MYO1D: variants seen among roughly 807,000 people sequenced by gnomAD.
The protein encoded by MYO1D is unconventional myosin-Id.
MYO1D carries 83 observed loss-of-function variants against 122.0 expected under a neutral mutation model. The ratio of observed to expected loss-of-function variants is 0.68; its 90% CI spans 0.57 to 0.82. The LOEUF is 0.82. Ranked by LOEUF, MYO1D falls within the 40% of genes least tolerant of loss-of-function variation. The pLI is 0.00. For synonymous variants in MYO1D, 464 were observed against 446.9 expected (o/e 1.04, Z -0.48); for missense variants, 1,157 against 1,269.5 (o/e 0.91, Z 1.35).
intron 19 of MYO1D, among the ~76,000 whole-genome samples, chr17:32,644,024 A>G (rs1467700977): frequency 6.6e-6 from 1 of 151,828 alleles, no homozygotes; most frequent in Non-Finnish European, 1.5e-5. Flanking sequence ...TCAAGTTTAG[A>G]TCTTTCCTGC....
At chr17:32,591,404 G>A (rs182087040) in intron 21 of MYO1D, among the ~76,000 whole-genome samples, 7 of 152,246 alleles carry the variant, frequency 4.6e-5, no homozygotes, top group Non-Finnish European at 7.4e-5. Context: ...CCCTCACTGC[G>A]AACTTCTTAG....
intron 1 of MYO1D, among the ~76,000 whole-genome samples, chr17:32,789,009 TTTTG>T (rs1422217229): frequency 2.5e-5 from 3 of 119,928 alleles, no homozygotes; most frequent in African/African-American, 5.6e-5. Flanking sequence ...TTTTGTTTTG[TTTTG>T]TTTTTTTAGC....
intron 1 of MYO1D, among the ~76,000 whole-genome samples, chr17:32,810,880 G>A (rs1288771612): frequency 6.6e-6 from 1 of 152,006 alleles, no homozygotes; most frequent in Non-Finnish European, 1.5e-5. Flanking sequence ...TAATATTTAT[G>A]AGTCTTTTAA....
chr17:32,700,330 C>A (rs1487511294), intron 16 of MYO1D, among the ~76,000 whole-genome samples: 1 of 152,176 alleles, frequency 6.6e-6, no homozygotes, highest in Non-Finnish European at 1.5e-5. Context: ...GTTCCTGCTC[C>A]TATGAGAATC....
chr17:32,551,901 G>C (rs1296815871), intron 21 of MYO1D, among the ~76,000 whole-genome samples: 3 of 152,014 alleles, frequency 2.0e-5, no homozygotes, highest in African/African-American at 7.3e-5. Context: ...TATCTGCTTT[G>C]TCCTTAGCCT....
intron 21 of MYO1D, among the ~76,000 whole-genome samples, chr17:32,517,616 TC>T (rs1237974193): frequency 6.6e-6 from 1 of 152,096 alleles, no homozygotes; most frequent in Non-Finnish European, 1.5e-5. Flanking sequence ...TGGGTGATTT[TC>T]CTGTGCACCA....
intron 16 of MYO1D, among the ~76,000 whole-genome samples, chr17:32,683,902 C>G (rs1400037957): frequency 2.6e-5 from 4 of 151,996 alleles, no homozygotes; most frequent in African/African-American, 9.7e-5. Context: ...CAGCGAGACT[C>G]CGTGGGCGTA....
chr17:32,501,599 G>A lies in MYO1D; in HGVS notation c.2865-6684C>T, dbSNP rs146683117. On this transcript the variant is annotated intron_variant, in intron 21 of 21. Transcript: ENST00000318217. Reference sequence around the variant, plus strand: ...TCCATAAAAAACTCAAGAAGGATGGGTTTGGAGCTTCTGGAGAGCTGGACA... The same window carrying A: ...TCCATAAAAAACTCAAGAAGGATGGATTTGGAGCTTCTGGAGAGCTGGACA... 1.8e-3 allele frequency among the ~76,000 whole-genome samples: 269 copies of A among 152,306 alleles called. 1 individual carries two copies. The highest frequency in any genetic ancestry group is 5.8e-3 in the African/African-American group (242 of 41,580).
intron 21 of MYO1D, among the ~76,000 whole-genome samples, chr17:32,604,716 T>C (rs1215031081): frequency 6.6e-6 from 1 of 152,216 alleles, no homozygotes; most frequent in East Asian, 1.9e-4. Flanking sequence ...CTAATTTGCT[T>C]ATGGTCATAG....
intron 1 of MYO1D, among the ~76,000 whole-genome samples, chr17:32,857,055 T>C (rs1332453163): frequency 1.3e-5 from 2 of 152,222 alleles, no homozygotes; most frequent in African/African-American, 4.8e-5. Flanking sequence ...TCTTAATCAG[T>C]TATGTGACTT....
chr17:32,590,663 T>G (rs1344127993), intron 21 of MYO1D, among the ~76,000 whole-genome samples: 1 of 152,202 alleles, frequency 6.6e-6, no homozygotes, highest in East Asian at 1.9e-4. Flanking sequence ...TATATTATGC[T>G]TATATAAACT....
intron 1 of MYO1D, chr17:32,830,414 G>A (rs932675363): frequency 5.3e-5 from 8 of 152,134 alleles, no homozygotes; most frequent in African/African-American, 1.7e-4. Flanking sequence ...GTACCCCCAG[G>A]AGCTACTGTC....
chr17:32,727,050 A>T (rs763055513), intron 14 of MYO1D, among the ~76,000 whole-genome samples: 24 of 152,230 alleles, frequency 1.6e-4, no homozygotes, highest in Admixed American at 1.1e-3. Context: ...TAATAAAGAG[A>T]ATAAATAAAA....
chr17:32,681,168 G>C (rs918135148), intron 16 of MYO1D, among the ~76,000 whole-genome samples: 1 of 151,808 alleles, frequency 6.6e-6, no homozygotes, highest in African/African-American at 2.4e-5. Flanking sequence ...CTTGCTAGTG[G>C]TCTATCAATT....
chr17:32,822,693 C>T (rs1223327279), intron 1 of MYO1D, among the ~76,000 whole-genome samples: 2 of 150,046 alleles, frequency 1.3e-5, no homozygotes, highest in Non-Finnish European at 3.0e-5. Context: ...CCTCGCGCGT[C>T]CCTCCTCCTC....
intron 16 of MYO1D, among the ~76,000 whole-genome samples, chr17:32,697,735 T>C (rs992497340): frequency 1.3e-5 from 2 of 152,182 alleles, no homozygotes; most frequent in African/African-American, 4.8e-5. Flanking sequence ...TTTCCAATTG[T>C]ATTACTGTAT....
Position 32,589,931 on chromosome 17 carries a change from T to C in MYO1D, c.2864+15156A>G, listed in dbSNP as rs1001282320. On this transcript the variant is annotated intron_variant, in intron 21 of 21. Coordinates refer to ENST00000318217, the MANE Select transcript of MYO1D (RefSeq NM_015194.3). ...TTCTATCTTGCTAGTTCTTTCTCTG[T>C]TCAATTAACTCTTTTTGGCATGTGG... is the stretch of plus-strand genomic sequence containing the variant. Among the ~76,000 whole-genome samples the C allele has an allele frequency of 2.0e-5, 3 of 152,234 alleles. 1 individual carries two copies. The South Asian group carries it at 6.2e-4, about 32-fold the overall frequency.
chr17:32,874,888 A>T (rs1017034443), intron 1 of MYO1D, among the ~76,000 whole-genome samples: 13 of 144,086 alleles, frequency 9.0e-5, no homozygotes, highest in African/African-American at 2.7e-4. Context: ...TTAATGCTTT[A>T]AAAAAAAAAG....
chr17:32,775,764 T>C, intron 4 of MYO1D, 100 bp downstream of exon 4: 1 of 1,033,436 alleles, frequency 9.7e-7, no homozygotes, highest in East Asian at 2.7e-5. Context: ...GAGAATAGGA[T>C]TTAAAGCTAT....
Sources: allele counts gnomAD v4.1 joint callset (sites outside exome capture counted in the v4.1 genomes callset), GRCh38; gene constraint gnomAD v4.1.1; transcripts MANE v1.5; gene names NCBI Gene and HGNC (gene_info 2026-07-23, HGNC 2026-07-21).